The following SOX30 variants were observed in gnomAD, a reference collection of about 807,000 sequenced individuals.
The protein encoded by SOX30 is transcription factor SOX-30.
Under a neutral mutation model 58.6 loss-of-function variants are expected in SOX30, and 17 were observed. That is an observed-to-expected ratio of 0.29 (90% CI 0.20 to 0.44). The LOEUF (loss-of-function observed/expected upper bound fraction) is 0.44, where lower values mean the gene tolerates loss of function less well. Ranked by LOEUF, SOX30 falls within the 20% of genes least tolerant of loss-of-function variation. The pLI, the probability that SOX30 is intolerant of heterozygous loss-of-function variation, is 1.00. For missense variants in SOX30, 951 were observed against 965.8 expected (o/e 0.98, Z 0.20); for synonymous variants, 421 against 400.2 (o/e 1.05, Z -0.62).
chr5:157,639,754 G>A (rs181567789), intron 3 of SOX30, among the ~76,000 whole-genome samples: 3 of 152,296 alleles, frequency 2.0e-5, no homozygotes, highest in African/African-American at 4.8e-5. Context: ...ATACAGTTTC[G>A]AATCCATTAA....
intron 2 of SOX30, among the ~76,000 whole-genome samples, chr5:157,657,522 G>T (rs376903293): frequency 5.5e-4 from 84 of 152,316 alleles, no homozygotes; most frequent in African/African-American, 1.9e-3. Flanking sequence ...GAATACTCAT[G>T]GAGAGCTGAA....
intron 2 of SOX30, among the ~76,000 whole-genome samples, chr5:157,664,490 C>T (rs576058140): frequency 3.3e-5 from 5 of 152,190 alleles, no homozygotes; most frequent in South Asian, 4.2e-4. Flanking sequence ...CCATAAAAAC[C>T]CTAGAAGAAA....
intron 3 of SOX30, among the ~76,000 whole-genome samples, chr5:157,643,474 G>A (rs932423697): frequency 1.4e-4 from 22 of 151,934 alleles, no homozygotes; most frequent in African/African-American, 3.9e-4. Context: ...CCTCAAGGGT[G>A]GAACTGAGAA....
Position 157,640,483 on chromosome 5 carries a change from G to T in SOX30, c.1388-1761C>A, listed in dbSNP as rs10040353. Among the ~76,000 whole-genome samples the T allele has an allele frequency of 2.6e-5, 4 of 151,838 alleles. No homozygotes were observed. The South Asian group carries it at 8.3e-4, about 32-fold the overall frequency. ...CGGGGATCATCTCACCTTCACTCAC[G>T]TATTTTTCCATACATGCGCACTGAC... is the stretch of plus-strand genomic sequence containing the variant. On this transcript the variant is annotated intron_variant, in intron 3 of 4. Transcript: ENST00000265007.
At chr5:157,637,449 G>A (rs977984748) in intron 4 of SOX30, among the ~76,000 whole-genome samples, 7 of 152,108 alleles carry the variant, frequency 4.6e-5, no homozygotes, top group Admixed American at 6.6e-5. Context: ...CAGCAGAATT[G>A]GCAATCACTT....
rs942824961 is a variant in SOX30, at chr5:157,652,416, C to G, written c.-338G>C. ...ACAGCCGTTGTCTTTAGTCATCCCT[C>G]CCCCACCCGGAGCTGCGACAATGGC... On this transcript the variant is annotated 5_prime_UTR_variant, in exon 1 of 5. Coordinates refer to ENST00000265007, the MANE Select transcript of SOX30 (RefSeq NM_178424.2). 1.9e-6 allele frequency: 2 copies of G among 1,049,858 alleles called. No homozygotes were observed. The highest frequency in any genetic ancestry group is 2.3e-6 in the Non-Finnish European group (2 of 872,160). The allele number at this position is 1,049,858 out of a possible 1,614,324, so 65.0% of individuals were successfully genotyped here. A position where few individuals can be genotyped will look rare whatever the true frequency, so the allele number is the denominator to read the frequency against.
At chr5:157,637,157 T>C (rs924088519) in intron 4 of SOX30, among the ~76,000 whole-genome samples, 1 of 118,960 alleles carries the variant, frequency 8.4e-6, no homozygotes, top group African/African-American at 3.5e-5. Flanking sequence ...AAAAAAAAAA[T>C]GGAAAGCAGA....
chr5:157,627,135 G>A (rs1022817486), intron 4 of SOX30, among the ~76,000 whole-genome samples: 85 of 152,282 alleles, frequency 5.6e-4, no homozygotes, highest in African/African-American at 1.9e-3. Context: ...AGGCTGAGGC[G>A]GGCGGAACAT....
At chr5:157,646,906 G>A in intron 2 of SOX30, 90 bp from the exon 3 acceptor site, 1 of 950,312 alleles carries the variant, frequency 1.1e-6, no homozygotes, top group Non-Finnish European at 1.6e-6. Context: ...ACTTTAAAGT[G>A]TTTTAAAAAC....
intron 2 of SOX30, among the ~76,000 whole-genome samples, chr5:157,662,696 G>A (rs1236173538): frequency 6.6e-6 from 1 of 152,182 alleles, no homozygotes; most frequent in Non-Finnish European, 1.5e-5. Flanking sequence ...ATGAAAGGAA[G>A]TAGGGGTTGG....
At chr5:157,632,607 T>C (rs1000524749) in intron 4 of SOX30, among the ~76,000 whole-genome samples, 9 of 151,976 alleles carry the variant, frequency 5.9e-5, no homozygotes, top group African/African-American at 1.9e-4. Context: ...CGAAACTCCA[T>C]CTCAAAAAGA....
At chr5:157,643,230 A>T (rs1169056915) in intron 3 of SOX30, among the ~76,000 whole-genome samples, 1 of 152,092 alleles carries the variant, frequency 6.6e-6, no homozygotes, top group Non-Finnish European at 1.5e-5. Context: ...TTGAAAAACC[A>T]GCCTGGCTAT....
At position 157,667,718 on chromosome 5, in the gene SOX30, G is replaced by A. The variant is rs370701582; in HGVS notation, c.52+80C>T. On this transcript the variant is annotated intron_variant, in intron 2 of 5. Coordinates refer to the SOX30 transcript ENST00000519442. The stretch of plus-strand genomic sequence containing the variant: ...CATGCCACTGCCCTCCAGCCTGGGC[G>A]ACAGAGCGAGACTCCATCTCAGAAT... 643 of 1,500,166 alleles carry A rather than the reference G, an allele frequency of 4.3e-4. 5 individuals are homozygous for A. In the African/African-American group the frequency reaches 7.6e-3, roughly 18 times the overall value. The allele number at this position is 1,500,166 out of a possible 1,614,324, so 92.9% of individuals were successfully genotyped here.
At chr5:157,641,337 G>A (rs1345755219) in intron 3 of SOX30, among the ~76,000 whole-genome samples, 4 of 152,230 alleles carry the variant, frequency 2.6e-5, no homozygotes, top group East Asian at 1.9e-4. Context: ...CAAGTGCTGG[G>A]CGTGGTGGCT....
intron 2 of SOX30, among the ~76,000 whole-genome samples, chr5:157,658,189 ATT>A (rs749478528): frequency 4.6e-5 from 7 of 152,352 alleles, no homozygotes; most frequent in Middle Eastern, 3.4e-3. Context: ...ATCAAAACCA[ATT>A]TAAAAAGTGG....
chr5:157,656,508 A>G (rs377635510), upstream of SOX30, among the ~76,000 whole-genome samples: 4 of 152,194 alleles, frequency 2.6e-5, no homozygotes, highest in East Asian at 5.8e-4. Context: ...TGTTAGCCAT[A>G]CCCCAAGCAA....
chr5:157,631,018 A>G (rs1758784611), intron 4 of SOX30, among the ~76,000 whole-genome samples: 1 of 119,802 alleles, frequency 8.3e-6, no homozygotes, highest in African/African-American at 3.3e-5. Context: ...TATACTATAT[A>G]TTTTATATAT....
At chr5:157,645,328 T>TA (rs956384671) in intron 3 of SOX30, among the ~76,000 whole-genome samples, 95 of 151,026 alleles carry the variant, frequency 6.3e-4, no homozygotes, top group African/African-American at 1.9e-3. Context: ...TTAAAGAGGT[T>TA]AAAAAAAAAT....
In SOX30 at chr5:157,648,880, G is replaced by A; in HGVS notation, c.984C>T (p.Pro328=). ...LPSDAGIPDT[P]FSKDRNGHVK... Reference sequence around the variant, plus strand: ...CATGACCATTTCTGTCCTTACTGAAGGGAGTATCTGGTATGCCTACATGAC... The same window carrying A: ...CATGACCATTTCTGTCCTTACTGAAAGGAGTATCTGGTATGCCTACATGAC... Residue 328 remains proline (P), a synonymous_variant, in exon 2 of 5, where the codon CCC becomes CCT. Transcript: ENST00000265007. 6.2e-7 allele frequency: 1 copy of A among 1,608,908 alleles called. No homozygotes were observed.
Sources: allele counts gnomAD v4.1 joint callset (sites outside exome capture counted in the v4.1 genomes callset), GRCh38; gene constraint gnomAD v4.1.1; transcripts MANE v1.5; gene names NCBI Gene and HGNC (gene_info 2026-07-23, HGNC 2026-07-21).